Variants in KHDRBS2 observed in about 807,000 individuals in gnomAD.
KHDRBS2 encodes the protein KH domain-containing, RNA-binding, signal transduction-associated protein 2.
In KHDRBS2, 26 loss-of-function variants were observed where a neutral mutation model predicts 44.3. The observed-to-expected ratio is 0.59, with a 90% CI of 0.43 to 0.81. KHDRBS2 has a LOEUF of 0.81. Among genes scored for constraint, KHDRBS2 ranks in the 40% least tolerant of loss-of-function variants. The pLI is 0.00. For synonymous variants in KHDRBS2, 194 were observed against 151.1 expected, an observed-to-expected ratio of 1.28 and a Z score of -2.08; for missense variants, 476 against 433.1, an observed-to-expected ratio of 1.10 and a Z score of -0.88.
At chr6:61,669,158 C>A in the KHDRBS2 span, among the ~76,000 whole-genome samples, 1 of 150,952 alleles carries the variant, frequency 6.6e-6, no homozygotes, top group African/African-American at 2.4e-5. Flanking sequence ...GACTCAATAT[C>A]TTGAGCCAAT....
At chr6:61,799,763 T>C (rs1434938881) in intron 6 of KHDRBS2, among the ~76,000 whole-genome samples, 1 of 152,048 alleles carries the variant, frequency 6.6e-6, no homozygotes, top group Non-Finnish European at 1.5e-5. Context: ...AAAGAGGAGA[T>C]TGAAGGATAA....
At chr6:61,861,751 A>G (rs1267428540) in intron 6 of KHDRBS2, among the ~76,000 whole-genome samples, 5 of 151,860 alleles carry the variant, frequency 3.3e-5, no homozygotes, top group African/African-American at 4.8e-5. Flanking sequence ...TCTGTAAAGG[A>G]TGTCAATGCT....
At position 61,748,370 on chromosome 6, in the gene KHDRBS2, A is replaced by G. The variant is rs201597888; in HGVS notation, c.811-15606T>C. On this transcript the variant is annotated intron_variant, in intron 6 of 8. Transcript: ENST00000281156. ...TTATTCATGTATTTATTTATTTTTG[A>G]TACCTCAGATTTTGCTTAGGGCTGA... is the stretch of plus-strand genomic sequence containing the variant. Among the ~76,000 whole-genome samples, 17 of 152,182 alleles carry G rather than the reference A, an allele frequency of 1.1e-4. No individual in the cohort carries two copies. The East Asian group carries it at 3.3e-3, about 29-fold the overall frequency.
At chr6:61,670,464 T>G in the KHDRBS2 span, among the ~76,000 whole-genome samples, 1 of 151,468 alleles carries the variant, frequency 6.6e-6, no homozygotes, top group Non-Finnish European at 1.5e-5. Context: ...GTCAATAAAT[T>G]AATTTATACT....
chr6:62,072,599 C>T (rs1562790918), intron 2 of KHDRBS2, among the ~76,000 whole-genome samples: 1 of 152,038 alleles, frequency 6.6e-6, no homozygotes, highest in African/African-American at 2.4e-5. Flanking sequence ...TTGAGATAGT[C>T]ATGTGGTTTT....
At chr6:62,152,957 T>A (rs188414935) in intron 2 of KHDRBS2, among the ~76,000 whole-genome samples, 34 of 152,328 alleles carry the variant, frequency 2.2e-4, no homozygotes, top group African/African-American at 7.0e-4. Flanking sequence ...AGATACAGCA[T>A]CCCGGATCCA....
chr6:61,616,836 C>T, the KHDRBS2 span, among the ~76,000 whole-genome samples: 3 of 152,284 alleles, frequency 2.0e-5, no homozygotes, highest in Admixed American at 2.0e-4. Context: ...TCCTCCCTGA[C>T]TTCCCAGTCT....
At chr6:61,574,527 A>C in the KHDRBS2 span, 1 of 612,348 alleles carries the variant, frequency 1.6e-6, no homozygotes, top group East Asian at 3.3e-5. Flanking sequence ...CTCGGAGTAT[A>C]ACCCAACCTC....
At chr6:61,544,563 T>C in the KHDRBS2 span, among the ~76,000 whole-genome samples, 14 of 152,190 alleles carry the variant, frequency 9.2e-5, no homozygotes, top group African/African-American at 3.1e-4. Context: ...GGGAAAGTGG[T>C]AGGGAAGAGA....
the KHDRBS2 span, among the ~76,000 whole-genome samples, chr6:61,661,017 CT>C: frequency 6.6e-6 from 1 of 151,704 alleles, no homozygotes; most frequent in Non-Finnish European, 1.5e-5. Context: ...AATTTATAAC[CT>C]CATGTTCTGA....
the KHDRBS2 span, among the ~76,000 whole-genome samples, chr6:61,584,626 T>C: frequency 6.6e-6 from 1 of 151,872 alleles, no homozygotes; most frequent in Non-Finnish European, 1.5e-5. Flanking sequence ...ATTTTAGGGA[T>C]ATTAAAAGGA....
chr6:62,258,146 T>C (rs1837719097), intron 1 of KHDRBS2, among the ~76,000 whole-genome samples: 1 of 151,934 alleles, frequency 6.6e-6, no homozygotes, highest in Non-Finnish European at 1.5e-5. Flanking sequence ...TACTGTGCAC[T>C]TACTTTACTG....
intron 3 of KHDRBS2, among the ~76,000 whole-genome samples, chr6:62,040,213 C>G (rs1718869176): frequency 6.6e-6 from 1 of 151,842 alleles, no homozygotes; most frequent in Non-Finnish European, 1.5e-5. Context: ...CAGAACAAAA[C>G]TAAACTAAAA....
At chr6:61,945,103 A>T (rs1451783276) in intron 4 of KHDRBS2, among the ~76,000 whole-genome samples, 907 of 44,778 alleles carry the variant, frequency 0.02, 57 homozygotes, top group African/African-American at 0.057. Context: ...AAAAAAAAAA[A>T]AAAAAAAAAG....
chr6:61,660,047 A>T, the KHDRBS2 span, among the ~76,000 whole-genome samples: 1 of 151,854 alleles, frequency 6.6e-6, no homozygotes, highest in Non-Finnish European at 1.5e-5. Flanking sequence ...TATAGATAAA[A>T]CTACCATAAT....
rs183217655 is a variant in KHDRBS2 at position 61,886,186 on chromosome 6, G to C, written c.810+8449C>G. 2.6e-5 allele frequency among the ~76,000 whole-genome samples: 4 copies of C among 152,166 alleles called. No homozygotes were observed. In the East Asian group the frequency reaches 7.7e-4, roughly 29 times the overall value. On this transcript the variant is annotated intron_variant, in intron 6 of 8. Coordinates refer to ENST00000281156, the MANE Select transcript of KHDRBS2 (RefSeq NM_152688.4). The stretch of plus-strand genomic sequence containing the variant: ...TTGCCTTCTGCTGTGAAATCTTCAG[G>C]TGGCATTTTATTATAAGTGAAGTTA...
intron 7 of KHDRBS2, among the ~76,000 whole-genome samples, chr6:61,712,565 T>C (rs531393560): frequency 6.6e-6 from 1 of 151,994 alleles, no homozygotes; most frequent in African/African-American, 2.4e-5. Context: ...AGAGTCCATC[T>C]TTGGAACTGG....
chr6:61,626,654 T>C, the KHDRBS2 span, among the ~76,000 whole-genome samples: 2 of 152,252 alleles, frequency 1.3e-5, no homozygotes, highest in African/African-American at 2.4e-5. Context: ...GAGTTATTTC[T>C]ATTCAAGATG....
intron 6 of KHDRBS2, among the ~76,000 whole-genome samples, chr6:61,766,267 G>C (rs184185052): frequency 1.7e-4 from 26 of 151,944 alleles, no homozygotes; most frequent in Admixed American, 5.2e-4. Flanking sequence ...TTCACATATA[G>C]TTGCTCATAG....
Sources: allele counts gnomAD v4.1 joint callset (sites outside exome capture counted in the v4.1 genomes callset), GRCh38; gene constraint gnomAD v4.1.1; transcripts MANE v1.5; gene names NCBI Gene and HGNC (gene_info 2026-07-23, HGNC 2026-07-21).